The following PRODH2 variants were observed in gnomAD, a reference collection of about 807,000 sequenced individuals.
PRODH2 encodes hydroxyproline dehydrogenase.
A neutral mutation model predicts 51.9 loss-of-function variants in PRODH2; 49 were observed. That is an observed-to-expected ratio of 0.94 (90% CI 0.75 to 1.20). The LOEUF (loss-of-function observed/expected upper bound fraction) is 1.20, where lower values mean the gene tolerates loss of function less well. PRODH2 is among the 50% of genes most tolerant of loss of function. The pLI, the probability that PRODH2 is intolerant of heterozygous loss-of-function variation, is 0.00. For missense variants in PRODH2, 597 were observed against 610.9 expected, an observed-to-expected ratio of 0.98 and a Z score of 0.24; for synonymous variants, 249 against 260.7, an observed-to-expected ratio of 0.96 and a Z score of 0.43.
chr19:35,804,883 C>T (rs1041059113), intron 7 of PRODH2, among the ~76,000 whole-genome samples: 2 of 152,110 alleles, frequency 1.3e-5, no homozygotes, highest in African/African-American at 4.8e-5. Context: ...CTGCAGTGAG[C>T]CAAGATCGCA....
At chr19:35,801,402 G>T (rs976122691) in intron 9 of PRODH2, among the ~76,000 whole-genome samples, 69 of 152,102 alleles carry the variant, frequency 4.5e-4, no homozygotes, top group Admixed American at 4.3e-3. Context: ...GGAGGCAAAG[G>T]TTGCAGTGAG....
At chr19:35,809,727 G>A (rs377651884) in intron 4 of PRODH2, among the ~76,000 whole-genome samples, 44 of 152,050 alleles carry the variant, frequency 2.9e-4, no homozygotes, top group African/African-American at 1.0e-3. Flanking sequence ...TTGGGAGGCC[G>A]AGGCACGTGG....
rs150865499 is a variant in PRODH2, at chr19:35,802,234, G to T, written c.1155C>A (p.Phe385Leu). Residue 385 changes from phenylalanine to leucine, a missense_variant, in exon 9 of 10, where the codon TTC becomes TTA. Phe to Leu is a conservative substitution (Grantham distance 22, BLOSUM62 0). Transcript: ENST00000653904. ...GGTCACACATGCCCAGAAGTTGTCC[G>T]AAACAGACAGTCCCATCCAGAGGAA... is the stretch of plus-strand genomic sequence containing the variant. The part of the protein sequence containing the change: ...LGIPLDGTVC[F>L]GQLLGMCDHV... 6.2e-7 allele frequency: 1 copy of T among 1,614,140 alleles called. No individual in the cohort carries two copies. The highest frequency in any genetic ancestry group is 2.2e-5 in the East Asian group (1 of 44,886).
intron 4 of PRODH2, among the ~76,000 whole-genome samples, chr19:35,810,190 C>T (rs2146788525): frequency 6.7e-6 from 1 of 148,888 alleles, no homozygotes; most frequent in South Asian, 2.1e-4. Context: ...ACCCGGGAGG[C>T]GGAGGTCGCA....
At chr19:35,804,675 G>GC (rs1399626383) in intron 7 of PRODH2, among the ~76,000 whole-genome samples, 1 of 152,242 alleles carries the variant, frequency 6.6e-6, no homozygotes, top group Non-Finnish European at 1.5e-5. Context: ...GCTGGCTTAC[G>GC]CCTATAATCC....
At chr19:35,809,093 T>C (rs185458594) in intron 4 of PRODH2, among the ~76,000 whole-genome samples, 404 of 151,218 alleles carry the variant, frequency 2.7e-3, no homozygotes, top group Non-Finnish European at 4.4e-3. Flanking sequence ...TTTTTCTTTC[T>C]TTCTTTATTT....
At position 35,812,213 on chromosome 19, in the gene PRODH2, C is replaced by T. The variant is rs1365721145; in HGVS notation, c.431G>A (p.Gly144Asp). ...AMLRCVDLSR[G>D]LLEPPSLAEA... ...AGCCAGGCTGGGGGGCTCCAGGAGG[C>T]CCCGTGACAGGTCCACACACCGCAG... The change falls in exon 3 of 10, where the codon GGC becomes GAC. Residue 144 changes from glycine (G) to aspartate (D), a missense_variant. Gly to Asp is a moderately conservative substitution (Grantham distance 94, BLOSUM62 -1). Coordinates refer to ENST00000653904, the MANE Select transcript of PRODH2 (RefSeq NM_021232.2). 1 of 1,614,010 alleles carries T rather than the reference C, an allele frequency of 6.2e-7. No individual in the cohort carries two copies. Among genetic ancestry groups the T allele is most frequent in the Admixed American group, 1.7e-5 (1 of 60,032 alleles).
At chr19:35,806,888 C>T in intron 5 of PRODH2, 58 bp from the exon 6 acceptor site, 1 of 1,555,328 alleles carries the variant, frequency 6.4e-7, no homozygotes, top group South Asian at 1.2e-5. Flanking sequence ...GCAGTGGAGC[C>T]AGATCCCAGC....
chr19:35,812,135 C>CAGAG lies in PRODH2; in HGVS notation c.505_508dup (p.Cys170SerfsTer3). The CAGAG allele has an allele frequency of 6.2e-7, 1 of 1,614,000 alleles. No individual in the cohort carries two copies. The highest frequency in any genetic ancestry group is 8.5e-7 in the Non-Finnish European group (1 of 1,179,966). Reference sequence around the variant, plus strand: ...CACCCCCGTCTTTGCACTCCTTACACAGAGCCGAGTACTGGTCAGCGCCGT... The same window carrying CAGAG: ...CACCCCCGTCTTTGCACTCCTTACACAGAGAGAGCCGAGTACTGGTCAGCGCCGT... On this transcript the variant is annotated frameshift_variant and splice_region_variant, in exon 3 of 10. Transcript: ENST00000653904. LOFTEE classifies it high-confidence loss of function.
At position 35,806,847 on chromosome 19, in the gene PRODH2, C is replaced by A. The variant is rs199737107; in HGVS notation, c.679-17G>T. The stretch of plus-strand genomic sequence containing the variant: ...CCGGGCATACTGATGGCGACAGAGA[C>A]GACGGTCAGGGCCCCGGGTGTCCAG... On this transcript the variant is annotated splice_polypyrimidine_tract_variant and intron_variant, in intron 5 of 9. Transcript: ENST00000653904. 1 of 1,581,880 alleles carries A rather than the reference C, an allele frequency of 6.3e-7. No individual in the cohort carries two copies. The highest frequency in any genetic ancestry group is 1.1e-5 in the South Asian group (1 of 87,478).
chr19:35,810,260 A>AAATAATAATAATAATAATAAT (rs10676244), intron 4 of PRODH2, among the ~76,000 whole-genome samples: 4 of 143,246 alleles, frequency 2.8e-5, no homozygotes, highest in African/African-American at 1.0e-4. Flanking sequence ...CTCTGTCTTA[A>AAATAATAATAATAATAATAAT]AATAATAATA....
At position 35,806,713 on chromosome 19, in the gene PRODH2, C is replaced by T. The variant is rs547753556; in HGVS notation, c.796G>A (p.Gly266Arg). The T allele has an allele frequency of 1.9e-6, 3 of 1,614,092 alleles. No homozygotes were observed. The highest frequency in any genetic ancestry group is 2.5e-6 in the Non-Finnish European group (3 of 1,180,016). ...TGGTAGGTGTTCCACACCCAGGGCC[C>T]GCCTTCACCCGGGCTGTTCCAGCGC... ...AVRWNSPGEG[G>R]PWVWNTYQAC... The change falls in exon 6 of 10, where the codon GGG becomes AGG. Residue 266 changes from glycine to arginine, a missense_variant. Physicochemically the swap from Gly to Arg is moderately radical, Grantham distance 125. Transcript: ENST00000653904.
chr19:35,802,350 T>C, intron 8 of PRODH2, 74 bp from the exon 9 acceptor site: 1 of 1,239,486 alleles, frequency 8.1e-7, no homozygotes, highest in Non-Finnish European at 1.2e-6. Context: ...TATGCACCCA[T>C]ATGGCGGCTC....
chr19:35,812,737 G>T lies in PRODH2; in HGVS notation c.69C>A (p.Ser23Arg). The T allele has an allele frequency of 1.2e-6, 2 of 1,611,490 alleles. No individual in the cohort carries two copies. The highest frequency in any genetic ancestry group is 1.1e-5 in the South Asian group (1 of 90,834). The change falls in exon 1 of 10, where the codon AGC becomes AGA. Residue 23 changes from serine (S) to arginine (R), a missense_variant. Coordinates refer to ENST00000653904, the MANE Select transcript of PRODH2 (RefSeq NM_021232.2). Reference protein sequence around the residue: ...GPPSRGWQSLSFDGGAFHLKG... With the variant: ...GPPSRGWQSLRFDGGAFHLKG... ...TAAGGTGGAAGGCCCCGCCATCAAA[G>T]CTCAGGGACTGCCAGCCCCTGGAGG...
At chr19:35,808,830 A>G (rs1268953063) in intron 4 of PRODH2, among the ~76,000 whole-genome samples, 3 of 87,042 alleles carry the variant, frequency 3.4e-5, no homozygotes, top group East Asian at 7.3e-4. Context: ...TTTTTTTTTG[A>G]GATAGATCTC....
chr19:35,811,590 G>A (rs114445442), intron 4 of PRODH2, among the ~76,000 whole-genome samples: 3,361 of 152,210 alleles, frequency 0.022, 109 homozygotes, highest in African/African-American at 0.072. Context: ...GAAAGAGAAT[G>A]TGGAGATAAA....
chr19:35,806,418 G>A lies in PRODH2; in HGVS notation c.1001+12C>T, dbSNP rs1972511120. On this transcript the variant is annotated intron_variant, in intron 7 of 9. Transcript: ENST00000653904. ...TATTATTTCCTGCAGAGGCCAGCTG[G>A]CCCGGGCCTACCTCTGACTGGTGGC... is the stretch of plus-strand genomic sequence containing the variant. 2 of 1,613,860 alleles carry A rather than the reference G, an allele frequency of 1.2e-6. No homozygotes were observed. The highest frequency in any genetic ancestry group is 1.7e-5 in the Admixed American group (1 of 59,986).
intron 4 of PRODH2, among the ~76,000 whole-genome samples, chr19:35,809,166 T>C (rs7507463): frequency 0.022 from 3,323 of 151,842 alleles, 114 homozygotes; most frequent in African/African-American, 0.072. Context: ...CCTCTCTTTC[T>C]TTCTTCGCTC....
Position 35,807,056 on chromosome 19 carries a change from C to T in PRODH2, c.663G>A (p.Leu221=). ...NQHLRASLSR[L]HRVAQYARAQ... is the part of the protein sequence containing the mutation. Reference sequence around the variant, plus strand: ...GAGGGGTTACCTGTGCCACCCGATGCAGGCGGCTGAGGGAGGCCCGGAGGT... The same window carrying T: ...GAGGGGTTACCTGTGCCACCCGATGTAGGCGGCTGAGGGAGGCCCGGAGGT... The change falls in exon 5 of 10, where the codon CTG becomes CTA. Residue 221 remains leucine (L), a synonymous_variant. Transcript: ENST00000653904. The T allele has an allele frequency of 6.4e-7, 1 of 1,552,056 alleles. No individual in the cohort carries two copies. Among genetic ancestry groups the T allele is most frequent in the Non-Finnish European group, 8.7e-7 (1 of 1,147,672 alleles).
Sources: allele counts gnomAD v4.1 joint callset (sites outside exome capture counted in the v4.1 genomes callset), GRCh38; gene constraint gnomAD v4.1.1; transcripts MANE v1.5; gene names NCBI Gene and HGNC (gene_info 2026-07-23, HGNC 2026-07-21).